Variants in PARD3B observed in about 807,000 individuals in gnomAD.
PARD3B encodes partitioning defective 3 homolog B.
A neutral mutation model predicts 130.2 loss-of-function variants in PARD3B; 103 were observed. That is an observed-to-expected ratio of 0.79 (90% confidence interval 0.67 to 0.93). The LOEUF (loss-of-function observed/expected upper bound fraction) is 0.93, where lower values mean the gene tolerates loss of function less well. PARD3B is among the 40% of genes least tolerant of loss of function. PARD3B has a pLI of 0.00. For missense variants in PARD3B, 1,609 were observed against 1,499.2 expected (o/e 1.07, Z -1.21); for synonymous variants, 583 against 553.2 (o/e 1.05, Z -0.76).
chr2:204,556,604 G>C (rs2030939593), intron 1 of PARD3B, among the ~76,000 whole-genome samples: 1 of 152,204 alleles, frequency 6.6e-6, no homozygotes, highest in African/African-American at 2.4e-5. Context: ...GTTGTGAAAA[G>C]TTGAGCGTAG....
chr2:205,199,785 A>T (rs183403002), intron 15 of PARD3B, among the ~76,000 whole-genome samples: 44 of 152,182 alleles, frequency 2.9e-4, no homozygotes, highest in African/African-American at 1.1e-3. Flanking sequence ...AAACTAGACA[A>T]TTTACATCCC....
At chr2:205,020,421 G>T (rs1381401576) in intron 3 of PARD3B, among the ~76,000 whole-genome samples, 1 of 152,096 alleles carries the variant, frequency 6.6e-6, no homozygotes, top group Non-Finnish European at 1.5e-5. Context: ...AAAACTAGAA[G>T]CATACTAGGT....
intron 21 of PARD3B, among the ~76,000 whole-genome samples, chr2:205,512,812 T>A (rs1420647528): frequency 6.6e-6 from 1 of 152,102 alleles, no homozygotes; most frequent in Non-Finnish European, 1.5e-5. Context: ...CCTGGTGTCT[T>A]TTCTTTAATG....
At chr2:205,038,166 T>A (rs145554620) in intron 3 of PARD3B, among the ~76,000 whole-genome samples, 6 of 152,312 alleles carry the variant, frequency 3.9e-5, no homozygotes, top group African/African-American at 4.8e-5. Flanking sequence ...ATATAATTAG[T>A]GGTTGAGGCA....
chr2:205,595,573 G>A (rs937137891), intron 22 of PARD3B, among the ~76,000 whole-genome samples: 1 of 152,092 alleles, frequency 6.6e-6, no homozygotes, highest in Non-Finnish European at 1.5e-5. Flanking sequence ...ATGATAGAAG[G>A]CATGTGATTA....
chr2:204,862,317 C>T (rs2045242826), intron 2 of PARD3B, among the ~76,000 whole-genome samples: 1 of 152,176 alleles, frequency 6.6e-6, no homozygotes, highest in Non-Finnish European at 1.5e-5. Context: ...CTCCCTGGAC[C>T]TTCGTTATCT....
intron 1 of PARD3B, among the ~76,000 whole-genome samples, chr2:204,581,455 A>AT (rs575124079): frequency 0.032 from 4,879 of 150,276 alleles, 92 homozygotes; most frequent in Non-Finnish European, 0.044. Context: ...GGTTATATGG[A>AT]TTTTTTTTTT....
At position 205,270,169 on chromosome 2, in the gene PARD3B, A is replaced by G. The variant is rs1043496157; in HGVS notation, c.2185+24347A>G. Among the ~76,000 whole-genome samples, 3 of 152,226 alleles carry G rather than the reference A, an allele frequency of 2.0e-5. No homozygotes were observed. The East Asian group carries it at 5.8e-4, about 29-fold the overall frequency. On this transcript the variant is annotated intron_variant, in intron 16 of 22. Coordinates refer to ENST00000406610, the MANE Select transcript of PARD3B (RefSeq NM_001302769.2). Reference sequence around the variant, plus strand: ...AAAATTTTAAAAAAATTTTAAAAGTAAAGAATATCCTGTCAGTAATAATAA... The same window carrying G: ...AAAATTTTAAAAAAATTTTAAAAGTGAAGAATATCCTGTCAGTAATAATAA...
Position 205,140,143 on chromosome 2 carries a change from C to A in PARD3B, c.1434+14406C>A, listed in dbSNP as rs148814325. ...TGAGAGGCCAGGGCGGAGTAATGGC[C>A]AAGGCCACCGGGCAGGTAGTGAAAG... On this transcript the variant is annotated intron_variant, in intron 10 of 22. Coordinates refer to ENST00000406610, the MANE Select transcript of PARD3B (RefSeq NM_001302769.2). 9.7e-4 allele frequency among the ~76,000 whole-genome samples: 148 copies of A among 152,298 alleles called. 2 individuals carry two copies. The East Asian group carries it at 0.024, about 25-fold the overall frequency.
intron 4 of PARD3B, among the ~76,000 whole-genome samples, chr2:205,062,508 G>T (rs1287516009): frequency 1.3e-5 from 2 of 152,122 alleles, no homozygotes; most frequent in South Asian, 2.1e-4. Context: ...ACTCTTATTT[G>T]CATTTGTGTG....
chr2:205,422,432 G>A (rs1410215507), intron 19 of PARD3B, among the ~76,000 whole-genome samples: 1 of 152,198 alleles, frequency 6.6e-6, no homozygotes, highest in Non-Finnish European at 1.5e-5. Flanking sequence ...TGTCTGGGCT[G>A]CTGTTTAATG....
At chr2:204,620,318 G>A (rs1574562939) in intron 1 of PARD3B, among the ~76,000 whole-genome samples, 1 of 151,880 alleles carries the variant, frequency 6.6e-6, no homozygotes, top group Admixed American at 6.6e-5. Flanking sequence ...ACCTTTCTTG[G>A]GTTACAGGTG....
At chr2:204,762,044 C>CT (rs2040922761) in intron 2 of PARD3B, among the ~76,000 whole-genome samples, 1 of 145,078 alleles carries the variant, frequency 6.9e-6, no homozygotes, top group Non-Finnish European at 1.5e-5. Context: ...CCACAATTTT[C>CT]TTTTTAAAAA....
intron 1 of PARD3B, among the ~76,000 whole-genome samples, chr2:204,666,736 G>T (rs2036042135): frequency 6.6e-6 from 1 of 152,162 alleles, no homozygotes; most frequent in Non-Finnish European, 1.5e-5. Context: ...AACACCTAAG[G>T]TGTAGAATGC....
At chr2:205,583,154 G>T (rs1267694037) in intron 22 of PARD3B, among the ~76,000 whole-genome samples, 2 of 152,228 alleles carry the variant, frequency 1.3e-5, no homozygotes, top group African/African-American at 4.8e-5. Context: ...ATGAAAATTA[G>T]AGCATAGCAA....
intron 10 of PARD3B, among the ~76,000 whole-genome samples, chr2:205,135,587 T>C (rs12694016): frequency 0.7 from 102,998 of 146,364 alleles, 36,084 homozygotes; most frequent in Admixed American, 0.79. Flanking sequence ...TTTTTTTTTT[T>C]CCCTAAGGGC....
At chr2:205,477,150 C>CT (rs2106276266) in intron 20 of PARD3B, among the ~76,000 whole-genome samples, 1 of 152,300 alleles carries the variant, frequency 6.6e-6, no homozygotes, top group Admixed American at 6.5e-5. Flanking sequence ...CAAACGTTTC[C>CT]TTTTGCACTT....
intron 15 of PARD3B, among the ~76,000 whole-genome samples, chr2:205,219,827 C>T (rs1276710902): frequency 6.6e-6 from 1 of 152,100 alleles, no homozygotes; most frequent in Non-Finnish European, 1.5e-5. Context: ...TTCACCCAGC[C>T]AGGAAATCTC....
At chr2:205,090,198 G>A (rs1043588363) in intron 4 of PARD3B, among the ~76,000 whole-genome samples, 3 of 152,182 alleles carry the variant, frequency 2.0e-5, no homozygotes, top group Non-Finnish European at 2.9e-5. Flanking sequence ...TAGATATGGC[G>A]GAGTGATTGG....
Sources: gnomAD v4.1 joint callset for allele counts (sites outside exome capture counted in the v4.1 genomes callset) on GRCh38, gnomAD v4.1.1 for gene constraint, MANE v1.5 for transcripts, NCBI Gene and HGNC (gene_info 2026-07-23, HGNC 2026-07-21) for gene names.